Variants in KCNIP1 observed in about 807,000 individuals in gnomAD.
KCNIP1 encodes the protein potassium voltage-gated channel interacting protein 1, also known as A-type potassium channel modulatory protein KCNIP1.
A neutral mutation model predicts 33.0 loss-of-function variants in KCNIP1; 18 were observed. That is an observed-to-expected ratio of 0.55 (90% confidence interval 0.38 to 0.81). The LOEUF (loss-of-function observed/expected upper bound fraction) is 0.81. KCNIP1 is among the 30% of genes least tolerant of loss of function. The pLI is 0.00. For synonymous variants in KCNIP1, 93 were observed against 98.3 expected (o/e 0.95, Z 0.32); for missense variants, 238 against 271.6 (o/e 0.88, Z 0.87).
At chr5:170,558,529 C>T (rs1386331624) in intron 1 of KCNIP1, among the ~76,000 whole-genome samples, 2 of 152,212 alleles carry the variant, frequency 1.3e-5, no homozygotes, top group African/African-American at 2.4e-5. Context: ...GGAGTGGACA[C>T]TGACTCCATC....
chr5:170,631,043 T>C (rs1362313756), intron 1 of KCNIP1, among the ~76,000 whole-genome samples: 2 of 152,156 alleles, frequency 1.3e-5, no homozygotes, highest in African/African-American at 2.4e-5. Flanking sequence ...TGACTCAGTG[T>C]GTGAACTTGG....
chr5:170,388,212 G>A (rs868781375), intron 1 of KCNIP1, among the ~76,000 whole-genome samples: 8 of 152,224 alleles, frequency 5.3e-5, no homozygotes, highest in South Asian at 2.1e-4. Flanking sequence ...GGTCTGACCC[G>A]TCTCTAATGG....
chr5:170,718,736 A>G (rs1313400842), intron 1 of KCNIP1, 22 bp from the exon 2 acceptor site: 6 of 1,613,208 alleles, frequency 3.7e-6, no homozygotes, highest in East Asian at 2.2e-5. Flanking sequence ...AACCATTCCA[A>G]TGCCATCTCC....
At chr5:170,710,835 C>T (rs904334184) in intron 1 of KCNIP1, among the ~76,000 whole-genome samples, 1 of 152,182 alleles carries the variant, frequency 6.6e-6, no homozygotes, top group Non-Finnish European at 1.5e-5. Flanking sequence ...TATCACCTCC[C>T]TTGAAGCCTT....
chr5:170,568,214 G>T (rs1757266842), intron 1 of KCNIP1, among the ~76,000 whole-genome samples: 1 of 152,190 alleles, frequency 6.6e-6, no homozygotes, highest in Non-Finnish European at 1.5e-5. Context: ...ATTTCTGAGT[G>T]CTCTGGTGCA....
intron 1 of KCNIP1, among the ~76,000 whole-genome samples, chr5:170,380,663 T>C (rs1196693155): frequency 6.6e-6 from 1 of 152,240 alleles, no homozygotes. Flanking sequence ...TTCAGAGCTG[T>C]TGGACACTGC....
At chr5:170,372,637 TTC>T (rs1158541073) in intron 1 of KCNIP1, among the ~76,000 whole-genome samples, 1 of 152,122 alleles carries the variant, frequency 6.6e-6, no homozygotes, top group Non-Finnish European at 1.5e-5. Context: ...CCAAATATCT[TTC>T]TGTGAGACAA....
intron 1 of KCNIP1, among the ~76,000 whole-genome samples, chr5:170,415,128 G>A (rs962386153): frequency 6.6e-6 from 1 of 152,086 alleles, no homozygotes; most frequent in African/African-American, 2.4e-5. Context: ...GTGAGTAGAC[G>A]CCATGATAAT....
At chr5:170,646,500 A>AT (rs1355860399) in intron 1 of KCNIP1, among the ~76,000 whole-genome samples, 6 of 152,216 alleles carry the variant, frequency 3.9e-5, no homozygotes, top group Non-Finnish European at 5.9e-5. Context: ...TCATATAATC[A>AT]TATAAACAGA....
At chr5:170,639,797 AG>A (rs1760465688) in intron 1 of KCNIP1, among the ~76,000 whole-genome samples, 1 of 152,352 alleles carries the variant, frequency 6.6e-6, no homozygotes, top group Admixed American at 6.5e-5. Context: ...GCTCTGACGT[AG>A]TGACTCAGTT....
intron 1 of KCNIP1, among the ~76,000 whole-genome samples, chr5:170,583,519 T>A (rs1409460619): frequency 1.3e-5 from 2 of 152,122 alleles, no homozygotes; most frequent in African/African-American, 4.8e-5. Flanking sequence ...GCATCTAAGT[T>A]CTCTCCTTCC....
At chr5:170,700,469 T>A (rs1200997490) in intron 1 of KCNIP1, among the ~76,000 whole-genome samples, 1 of 152,206 alleles carries the variant, frequency 6.6e-6, no homozygotes, top group Non-Finnish European at 1.5e-5. Flanking sequence ...CTCAGGAGGC[T>A]GAGATGAAAG....
intron 1 of KCNIP1, among the ~76,000 whole-genome samples, chr5:170,365,102 C>T (rs1396312576): frequency 4.6e-5 from 7 of 152,168 alleles, no homozygotes; most frequent in Admixed American, 4.6e-4. Context: ...GGAATTTTGC[C>T]TGGCCTTGAC....
intron 1 of KCNIP1, among the ~76,000 whole-genome samples, chr5:170,665,202 A>T (rs1218336603): frequency 6.6e-6 from 1 of 152,204 alleles, no homozygotes; most frequent in Non-Finnish European, 1.5e-5. Flanking sequence ...GATCAGTGTT[A>T]ATCATTAGAA....
At chr5:170,608,912 G>A (rs969517880) in intron 1 of KCNIP1, among the ~76,000 whole-genome samples, 3 of 152,170 alleles carry the variant, frequency 2.0e-5, no homozygotes, top group African/African-American at 4.8e-5. Flanking sequence ...GGGAAGCACA[G>A]TCCCGGGCGG....
At chr5:170,565,347 G>A (rs748620473) in intron 1 of KCNIP1, among the ~76,000 whole-genome samples, 30 of 152,118 alleles carry the variant, frequency 2.0e-4, no homozygotes, top group African/African-American at 6.5e-4. Flanking sequence ...TGCACCTCCC[G>A]TGTTGCTTTA....
intron 1 of KCNIP1, among the ~76,000 whole-genome samples, chr5:170,475,871 T>C (rs139126990): frequency 1.5e-4 from 23 of 152,200 alleles, no homozygotes; most frequent in Admixed American, 5.9e-4. Context: ...AATCATCCAA[T>C]ATTACCCCCT....
In KCNIP1 at chr5:170,378,694, A is replaced by C. The variant is rs979330926; in HGVS notation, c.88+24730A>C. ...TGCCCTGACAAGTGGTATGGCATGG[A>C]TGGATGGCTCTACTTCTGGGCCGCC... On this transcript the variant is annotated intron_variant, in intron 1 of 7. Coordinates refer to the KCNIP1 transcript ENST00000377360. 3 of 1,601,470 alleles carry C rather than the reference A, an allele frequency of 1.9e-6. No homozygotes were observed. The African/African-American group carries it at 4.0e-5, about 21-fold the overall frequency.
At chr5:170,391,235 G>A (rs1754582588) in intron 1 of KCNIP1, among the ~76,000 whole-genome samples, 1 of 152,156 alleles carries the variant, frequency 6.6e-6, no homozygotes. Flanking sequence ...CCCTGGGGGA[G>A]AGATACACAG....
Sources: gnomAD v4.1 joint callset for allele counts (sites outside exome capture counted in the v4.1 genomes callset) on GRCh38, gnomAD v4.1.1 for gene constraint, MANE v1.5 for transcripts, NCBI Gene and HGNC (gene_info 2026-07-23, HGNC 2026-07-21) for gene names.